CCNT1: variants seen among roughly 807,000 people sequenced by gnomAD.
CCNT1 encodes the protein cyclin T1, also known as cyclin-T1.
CCNT1 carries 18 observed loss-of-function variants against 67.3 expected under a neutral mutation model. The observed-to-expected ratio is 0.27, with a 90% CI of 0.18 to 0.40. The LOEUF (loss-of-function observed/expected upper bound fraction) is 0.40, where lower values mean the gene tolerates loss of function less well. Among genes scored for constraint, CCNT1 ranks in the 10% least tolerant of loss-of-function variants. CCNT1 has a pLI of 1.00. For missense variants in CCNT1, 744 were observed against 884.9 expected, an observed-to-expected ratio of 0.84 and a Z score of 2.02; for synonymous variants, 333 against 310.3, an observed-to-expected ratio of 1.07 and a Z score of -0.77.
chr12:48,698,155 G>A lies in CCNT1; in HGVS notation c.525C>T (p.Tyr175=). The A allele has an allele frequency of 7.5e-7, 1 of 1,336,636 alleles. No individual in the cohort carries two copies. Among genetic ancestry groups the A allele is most frequent in the Non-Finnish European group, 1.0e-6 (1 of 982,870 alleles). The allele number at this position is 1,336,636 out of a possible 1,614,324, so 82.8% of individuals were successfully genotyped here. The part of the protein sequence containing the change: ...RASKDLAQTS[Y]FMATNSLHLT... ...ATATAAACCTGTTGGTTGCCATGAA[G>A]TAAGAAGTCTGTGCTAAGTCCTTGC... The change falls in exon 6 of 9, where the codon TAC becomes TAT. Residue 175 remains tyrosine (Y), a synonymous_variant. Transcript: ENST00000261900.
intron 2 of CCNT1, among the ~76,000 whole-genome samples, chr12:48,708,611 C>A (rs1028146271): frequency 6.6e-6 from 1 of 151,864 alleles, no homozygotes; most frequent in African/African-American, 2.4e-5. Context: ...GAAACACAGG[C>A]ATCACTTTGT....
chr12:48,694,054 A>ACTTTAG lies in CCNT1; in HGVS notation c.1154_1159dup (p.Ala385_Lys386dup). 1 of 1,614,128 alleles carries ACTTTAG rather than the reference A, an allele frequency of 6.2e-7. No individual in the cohort carries two copies. Among genetic ancestry groups the ACTTTAG allele is most frequent in the Non-Finnish European group, 8.5e-7 (1 of 1,180,024 alleles). ...CTTCGCGCGGTATTCTTTCAGTGAC[A>ACTTTAG]CTTTAGCTGATGGCACACTCTTACT... On this transcript the variant is annotated inframe_insertion, in exon 9 of 9. Coordinates refer to ENST00000261900, the MANE Select transcript of CCNT1 (RefSeq NM_001240.4).
Position 48,689,279 on chromosome 12 carries a change from A to C in CCNT1, c.*3754T>G, listed in dbSNP as rs1409964158. On this transcript the variant is annotated 3_prime_UTR_variant, in exon 9 of 9. Coordinates refer to ENST00000261900, the MANE Select transcript of CCNT1 (RefSeq NM_001240.4). ...AACTTTAGAAACATTAAAATGGAGA[A>C]CTCTCTCACCCAAAAAGTAATTCTC... is the stretch of plus-strand genomic sequence containing the variant. 2.0e-5 allele frequency: 3 copies of C among 152,114 alleles called. No individual in the cohort carries two copies. The highest frequency in any genetic ancestry group is 7.2e-5 in the African/African-American group (3 of 41,404). The allele number at this position is 152,114 out of a possible 1,614,324, so 9.4% of individuals were successfully genotyped here. A position where few individuals can be genotyped will look rare whatever the true frequency, so the allele number is the denominator to read the frequency against.
intron 2 of CCNT1, among the ~76,000 whole-genome samples, chr12:48,712,989 A>G (rs1480390361): frequency 1.3e-5 from 2 of 152,138 alleles, no homozygotes; most frequent in East Asian, 1.9e-4. Flanking sequence ...GTTTATCCCT[A>G]TTACCTTGGC....
At chr12:48,709,164 A>T (rs900771324) in intron 2 of CCNT1, among the ~76,000 whole-genome samples, 1 of 152,188 alleles carries the variant, frequency 6.6e-6, no homozygotes, top group Non-Finnish European at 1.5e-5. Context: ...TTAGAAACTA[A>T]AAGTATGGCA....
intron 6 of CCNT1, among the ~76,000 whole-genome samples, chr12:48,696,526 A>G (rs1475129122): frequency 1.3e-5 from 2 of 152,052 alleles, no homozygotes; most frequent in African/African-American, 2.4e-5. Context: ...TTTATTACCT[A>G]TTATCCTGAG....
rs1940105780 is a variant in CCNT1, at chr12:48,693,192, C to T, written c.2022G>A (p.Gln674=). ...ATTCAAATGCAGTGGGCTGAGTGGG[C>T]TGAACACCCTGGGCACTGAGCAGGG... The part of the protein sequence containing the change: ...LHSLLSAQGV[Q]PTQPTAFEFV... Residue 674 remains glutamine (Q), a synonymous_variant, in exon 9 of 9, where the codon CAG becomes CAA. Coordinates refer to ENST00000261900, the MANE Select transcript of CCNT1 (RefSeq NM_001240.4). The T allele has an allele frequency of 6.2e-7, 1 of 1,614,126 alleles. No individual in the cohort carries two copies. Among genetic ancestry groups the T allele is most frequent in the African/African-American group, 1.3e-5 (1 of 75,028 alleles).
intron 8 of CCNT1, among the ~76,000 whole-genome samples, 166 bp downstream of exon 8, chr12:48,695,593 C>T (rs1188867602): frequency 6.6e-6 from 1 of 152,210 alleles, no homozygotes; most frequent in Non-Finnish European, 1.5e-5. Context: ...CATAGAGACA[C>T]TGACTTTTAC....
In CCNT1 at chr12:48,688,904, CAT is replaced by C. The variant is rs1940029255; in HGVS notation, c.*4127_*4128del. The stretch of plus-strand genomic sequence containing the variant: ...AAAAGGTCAGTTTCAAATTCAGTAA[CAT>C]ATGGTAACACTAAGTTAGGCTGCTG... On this transcript the variant is annotated 3_prime_UTR_variant, in exon 9 of 9. Transcript: ENST00000261900. The C allele has an allele frequency of 6.6e-6, 1 of 152,000 alleles. No homozygotes were observed. The highest frequency in any genetic ancestry group is 2.4e-5 in the African/African-American group (1 of 41,396). 9.4% of individuals were successfully genotyped at this position (152,000 alleles called of 1,614,324 possible). A position where few individuals can be genotyped will look rare whatever the true frequency, so the allele number is the denominator to read the frequency against.
At position 48,691,386 on chromosome 12, in the gene CCNT1, T is replaced by C. The variant is rs1189955398; in HGVS notation, c.*1647A>G. The C allele has an allele frequency of 6.6e-6, 1 of 152,142 alleles. No homozygotes were observed. The highest frequency in any genetic ancestry group is 2.4e-5 in the African/African-American group (1 of 41,426). 9.4% of individuals were successfully genotyped at this position (152,142 alleles called of 1,614,324 possible). A position where few individuals can be genotyped will look rare whatever the true frequency, so the allele number is the denominator to read the frequency against. On this transcript the variant is annotated 3_prime_UTR_variant, in exon 9 of 9. Transcript: ENST00000261900. ...AAAAAATCCTTGGCATGAAGTAAGCTGCAATCAAATCATGAAAACAAACTC... is the reference window on the plus strand; with the variant it reads ...AAAAAATCCTTGGCATGAAGTAAGCCGCAATCAAATCATGAAAACAAACTC...
intron 5 of CCNT1, among the ~76,000 whole-genome samples, chr12:48,698,548 G>A (rs533670568): frequency 6.6e-6 from 1 of 152,334 alleles, no homozygotes; most frequent in South Asian, 2.1e-4. Flanking sequence ...AGATTCTGAT[G>A]TAAGGATTCA....
rs983704228 is a variant in CCNT1 at position 48,697,495 on chromosome 12, C to T, written c.542+643G>A. On this transcript the variant is annotated intron_variant, in intron 6 of 8. Coordinates refer to ENST00000261900, the MANE Select transcript of CCNT1 (RefSeq NM_001240.4). ...CCAAGATCGCACCACTTCAGTCCAG[C>T]CTGGTAGACAGAGTGAGACTCTGTC... Among the ~76,000 whole-genome samples, 17 of 142,900 alleles carry T rather than the reference C, an allele frequency of 1.2e-4. No individual in the cohort carries two copies. The Admixed American group carries it at 1.2e-3, about 10-fold the overall frequency. 93.7% of individuals were successfully genotyped at this position (142,900 alleles called of 152,430 possible). A position where few individuals can be genotyped will look rare whatever the true frequency, so the allele number is the denominator to read the frequency against.
At chr12:48,713,804 A>G (rs946663953) in intron 2 of CCNT1, among the ~76,000 whole-genome samples, 2 of 152,188 alleles carry the variant, frequency 1.3e-5, no homozygotes, top group African/African-American at 4.8e-5. Flanking sequence ...CCAGCAAGAA[A>G]AAGAAAGCTA....
chr12:48,709,738 T>C (rs1334621055), intron 2 of CCNT1, among the ~76,000 whole-genome samples: 1 of 152,192 alleles, frequency 6.6e-6, no homozygotes, highest in African/African-American at 2.4e-5. Context: ...AATGCTAGTT[T>C]ATGTGCACAG....
intron 2 of CCNT1, 25 bp from the exon 3 acceptor site, chr12:48,705,921 AT>A: frequency 1.3e-6 from 2 of 1,597,378 alleles, no homozygotes; most frequent in Non-Finnish European, 1.7e-6. Flanking sequence ...AATAAATCAT[AT>A]TTATTATCAA....
intron 3 of CCNT1, among the ~76,000 whole-genome samples, chr12:48,702,393 ATAGCCAC>A (rs1260975168): frequency 1.3e-5 from 2 of 152,260 alleles, no homozygotes; most frequent in African/African-American, 4.8e-5. Context: ...AGCCAAAGCT[ATAGCCAC>A]TAGCCACATG....
rs75963962 is a variant in CCNT1 at position 48,692,665 on chromosome 12, A to T, written c.*368T>A. 17 of 181,372 alleles carry T rather than the reference A, an allele frequency of 9.4e-5. 1 individual carries two copies. The East Asian group carries it at 2.4e-3, about 25-fold the overall frequency. The allele number at this position is 181,372 out of a possible 1,614,324, so 11.2% of individuals were successfully genotyped here. On this transcript the variant is annotated 3_prime_UTR_variant, in exon 9 of 9. Transcript: ENST00000261900. ...CTCTCTTCTGATATATTAAACACCG[A>T]AAGGATCCACAATTGTCTGATACAA...
intron 5 of CCNT1, among the ~76,000 whole-genome samples, chr12:48,698,878 C>A (rs1940222583): frequency 6.6e-6 from 1 of 151,944 alleles, no homozygotes; most frequent in South Asian, 2.1e-4. Flanking sequence ...ATCGCTTGAA[C>A]CCGGGAGGCG....
chr12:48,708,108 T>C (rs2137239908), intron 2 of CCNT1, among the ~76,000 whole-genome samples: 1 of 151,998 alleles, frequency 6.6e-6, no homozygotes, highest in Non-Finnish European at 1.5e-5. Context: ...ATTTAGGCAT[T>C]AGGACATAAA....
Sources: allele counts gnomAD v4.1 joint callset (sites outside exome capture counted in the v4.1 genomes callset), GRCh38; gene constraint gnomAD v4.1.1; transcripts MANE v1.5; gene names NCBI Gene and HGNC (gene_info 2026-07-23, HGNC 2026-07-21).